SCN8A: variants seen among roughly 807,000 people sequenced by gnomAD.
The protein encoded by SCN8A is sodium channel protein type 8 subunit alpha.
SCN8A carries 30 observed loss-of-function variants against 184.1 expected under a neutral mutation model. The observed-to-expected ratio is 0.16, with a 90% CI of 0.12 to 0.22. The LOEUF is 0.22. SCN8A is among the 10% of genes least tolerant of loss of function. SCN8A has a pLI of 1.00. For synonymous variants in SCN8A, 852 were observed against 907.0 expected, an observed-to-expected ratio of 0.94 and a Z score of 1.09; for missense variants, 1,057 against 2,498.9, an observed-to-expected ratio of 0.42 and a Z score of 12.30.
At chr12:51,682,389 T>G (rs1187166149) in intron 2 of SCN8A, among the ~76,000 whole-genome samples, 1 of 152,196 alleles carries the variant, frequency 6.6e-6, no homozygotes, top group African/African-American at 2.4e-5. Flanking sequence ...GTTTAATTCT[T>G]TAAACATTTG....
intron 1 of SCN8A, among the ~76,000 whole-genome samples, chr12:51,623,736 G>A (rs1344746150): frequency 1.3e-5 from 2 of 152,022 alleles, no homozygotes; most frequent in Non-Finnish European, 2.9e-5. Context: ...TTAACATTAG[G>A]TATATCTTCT....
rs370089184 is a variant in SCN8A, at chr12:51,799,540, C to G, written c.4795+4899C>G. On this transcript the variant is annotated intron_variant, in intron 26 of 26. Transcript: ENST00000627620. ...TCTGTGATTCACCTATGGGGGCCTA[C>G]CAAAGGCTCTAAACAGCATCCCTAT... is the stretch of plus-strand genomic sequence containing the variant. Among the ~76,000 whole-genome samples, 4 of 152,304 alleles carry G rather than the reference C, an allele frequency of 2.6e-5. No homozygotes were observed. In the East Asian group the frequency reaches 7.7e-4, roughly 29 times the overall value.
intron 1 of SCN8A, among the ~76,000 whole-genome samples, chr12:51,653,039 G>A (rs1940749683): frequency 6.6e-6 from 1 of 152,038 alleles, no homozygotes; most frequent in South Asian, 2.1e-4. Context: ...TATAAACTGG[G>A]CCAAGCGAGG....
At chr12:51,602,622 C>T (rs1430900179) in intron 1 of SCN8A, among the ~76,000 whole-genome samples, 1 of 147,530 alleles carries the variant, frequency 6.8e-6, no homozygotes, top group Non-Finnish European at 1.5e-5. Context: ...TATTTTACCA[C>T]AATCAATCAA....
chr12:51,626,524 G>A (rs890544142), intron 1 of SCN8A, among the ~76,000 whole-genome samples: 1 of 152,148 alleles, frequency 6.6e-6, no homozygotes, highest in Non-Finnish European at 1.5e-5. Flanking sequence ...CAAGGAGCTC[G>A]TGATATATCA....
intron 2 of SCN8A, among the ~76,000 whole-genome samples, chr12:51,674,879 A>G (rs1048229636): frequency 1.3e-5 from 2 of 152,164 alleles, no homozygotes; most frequent in African/African-American, 4.8e-5. Flanking sequence ...AGCAACCTTA[A>G]CATAAGTTGC....
At chr12:51,617,556 A>G (rs1939867593) in intron 1 of SCN8A, among the ~76,000 whole-genome samples, 1 of 152,200 alleles carries the variant, frequency 6.6e-6, no homozygotes. Context: ...GAATAGCTGC[A>G]TTAAAGCCTT....
In SCN8A at chr12:51,788,668, C is replaced by T. The variant is rs9943714; in HGVS notation, c.4228-27C>T. ...TCCCATCCACTCCCTTTATAGGCAC[C>T]GTCTAATGACTGACTCTGTTTGCCA... is the stretch of plus-strand genomic sequence containing the variant. On this transcript the variant is annotated intron_variant, in intron 22 of 26. Coordinates refer to ENST00000627620, the MANE Select transcript of SCN8A (RefSeq NM_001330260.2). 0.11 allele frequency: 171,744 copies of T among 1,584,088 alleles called. 12,971 individuals are homozygous for T. Among genetic ancestry groups the T allele is most frequent in the East Asian group, 0.42 (18,282 of 43,846 alleles).
chr12:51,637,755 G>A (rs1484926877), intron 1 of SCN8A, among the ~76,000 whole-genome samples: 1 of 152,160 alleles, frequency 6.6e-6, no homozygotes, highest in Non-Finnish European at 1.5e-5. Flanking sequence ...TGATGGAGAA[G>A]CTACAGTAAG....
intron 1 of SCN8A, among the ~76,000 whole-genome samples, chr12:51,622,353 A>G (rs1423367539): frequency 6.6e-6 from 1 of 152,110 alleles, no homozygotes; most frequent in Non-Finnish European, 1.5e-5. Flanking sequence ...CACTTTTCAC[A>G]CTGATGTCCT....
At chr12:51,739,013 G>GT (rs1565905986) in intron 12 of SCN8A, among the ~76,000 whole-genome samples, 1 of 152,140 alleles carries the variant, frequency 6.6e-6, no homozygotes, top group African/African-American at 2.4e-5. Context: ...CCAAAATCAG[G>GT]TTCCCATCTT....
At chr12:51,701,890 T>G (rs993436115) in intron 8 of SCN8A, among the ~76,000 whole-genome samples, 1 of 152,214 alleles carries the variant, frequency 6.6e-6, no homozygotes, top group Non-Finnish European at 1.5e-5. Context: ...ATCCATTTAA[T>G]TTCTGTATTA....
intron 2 of SCN8A, among the ~76,000 whole-genome samples, chr12:51,670,459 A>C (rs1400495830): frequency 2.6e-5 from 4 of 152,172 alleles, no homozygotes; most frequent in African/African-American, 9.7e-5. Flanking sequence ...ATCTAATTTG[A>C]TTGGAATGTG....
chr12:51,627,706 T>G (rs557192746), intron 1 of SCN8A, among the ~76,000 whole-genome samples: 1 of 152,336 alleles, frequency 6.6e-6, no homozygotes, highest in East Asian at 1.9e-4. Flanking sequence ...TTTCTGACAT[T>G]TACTACAAGA....
At chr12:51,675,359 G>C (rs1185454912) in intron 2 of SCN8A, among the ~76,000 whole-genome samples, 1 of 152,212 alleles carries the variant, frequency 6.6e-6, no homozygotes, top group Non-Finnish European at 1.5e-5. Context: ...AGCAAATGAA[G>C]AAGTGTATGC....
At chr12:51,727,538 G>A (rs1403553399) in intron 12 of SCN8A, among the ~76,000 whole-genome samples, 1 of 152,128 alleles carries the variant, frequency 6.6e-6, no homozygotes, top group Non-Finnish European at 1.5e-5. Flanking sequence ...TGAGAATTGT[G>A]CAGCTGAGCC....
At chr12:51,780,550 A>G in intron 20 of SCN8A, 99 bp from the exon 21 acceptor site, 1 of 769,294 alleles carries the variant, frequency 1.3e-6, no homozygotes, top group Non-Finnish European at 1.7e-6. Context: ...ACACTCTGGA[A>G]CCTCTGTTTT....
chr12:51,651,148 C>T (rs1940704827), intron 1 of SCN8A, among the ~76,000 whole-genome samples: 1 of 152,204 alleles, frequency 6.6e-6, no homozygotes, highest in South Asian at 2.1e-4. Context: ...CGTAAACCCA[C>T]AACCTTCCAG....
intron 5 of SCN8A, chr12:51,688,778 A>G: frequency 1.2e-6 from 2 of 1,613,854 alleles, no homozygotes; most frequent in Admixed American, 1.7e-5. Flanking sequence ...GAGTTTGTAA[A>G]CCTAGGCAAT....
Sources: allele counts gnomAD v4.1 joint callset (sites outside exome capture counted in the v4.1 genomes callset), GRCh38; gene constraint gnomAD v4.1.1; transcripts MANE v1.5; gene names NCBI Gene and HGNC (gene_info 2026-07-23, HGNC 2026-07-21).